ADAM10: variants seen among roughly 807,000 people sequenced by gnomAD.
ADAM10 encodes the protein disintegrin and metalloproteinase domain-containing protein 10.
Under a neutral mutation model 90.1 loss-of-function variants are expected in ADAM10, and 17 were observed. The observed-to-expected ratio is 0.19, with a 90% CI of 0.13 to 0.28. ADAM10 has a LOEUF of 0.28. Among genes scored for constraint, ADAM10 ranks in the 10% least tolerant of loss-of-function variants. The pLI is 1.00. For synonymous variants in ADAM10, 310 were observed against 298.6 expected (o/e 1.04, Z -0.40); for missense variants, 610 against 914.3 (o/e 0.67, Z 4.29).
chr15:58,601,994 G>A (rs570098288), intron 14 of ADAM10, among the ~76,000 whole-genome samples: 5 of 152,160 alleles, frequency 3.3e-5, no homozygotes, highest in Admixed American at 3.3e-4. Context: ...ACTGGATTAA[G>A]GTGTTATCTG....
chr15:58,709,165 A>T (rs1269218352), intron 2 of ADAM10, among the ~76,000 whole-genome samples: 1 of 152,218 alleles, frequency 6.6e-6, no homozygotes, highest in African/African-American at 2.4e-5. Context: ...AAGAACCTTT[A>T]GTCACATAAA....
At chr15:58,733,637 T>C (rs58271815) in intron 1 of ADAM10, among the ~76,000 whole-genome samples, 2 of 152,118 alleles carry the variant, frequency 1.3e-5, no homozygotes, top group Non-Finnish European at 2.9e-5. Context: ...TCCCCATAGA[T>C]ACTGAGGGAG....
intron 2 of ADAM10, among the ~76,000 whole-genome samples, chr15:58,715,176 C>T (rs1334054893): frequency 1.3e-5 from 2 of 152,018 alleles, no homozygotes; most frequent in Admixed American, 6.6e-5. Flanking sequence ...AATCCCAGCA[C>T]TTTGGGAGAC....
chr15:58,659,749 GAC>G (rs1463768146), intron 5 of ADAM10, among the ~76,000 whole-genome samples: 2 of 151,996 alleles, frequency 1.3e-5, no homozygotes, highest in Admixed American at 1.3e-4. Context: ...CTTTTTTTGA[GAC>G]AGAGTCTCAC....
chr15:58,654,117 G>A (rs1390626201), intron 5 of ADAM10, among the ~76,000 whole-genome samples: 1 of 151,162 alleles, frequency 6.6e-6, no homozygotes, highest in Admixed American at 6.6e-5. Flanking sequence ...CTGGCTAAAG[G>A]TTTGTCAATT....
At chr15:58,746,095 G>A (rs1350866819) in intron 1 of ADAM10, among the ~76,000 whole-genome samples, 1 of 152,176 alleles carries the variant, frequency 6.6e-6, no homozygotes, top group African/African-American at 2.4e-5. Context: ...AAGCTTATTA[G>A]GGTTTAAGGT....
At chr15:58,746,205 C>T (rs562198987) in intron 1 of ADAM10, among the ~76,000 whole-genome samples, 5 of 152,326 alleles carry the variant, frequency 3.3e-5, no homozygotes, top group Non-Finnish European at 5.9e-5. Context: ...CCTATCACCC[C>T]TCTCTCATAA....
chr15:58,622,891 A>T (rs1302412081), intron 10 of ADAM10, among the ~76,000 whole-genome samples: 1 of 152,244 alleles, frequency 6.6e-6, no homozygotes, highest in African/African-American at 2.4e-5. Context: ...CTAACTTCCA[A>T]GGAGTCTGTA....
chr15:58,746,664 A>C (rs1044191738), intron 1 of ADAM10, among the ~76,000 whole-genome samples: 5 of 152,218 alleles, frequency 3.3e-5, no homozygotes, highest in Non-Finnish European at 7.3e-5. Context: ...CAATCCCAGC[A>C]CTTTGGGAAG....
At chr15:58,697,026 G>C (rs1309486231) in intron 2 of ADAM10, among the ~76,000 whole-genome samples, 1 of 152,120 alleles carries the variant, frequency 6.6e-6, no homozygotes, top group South Asian at 2.1e-4. Flanking sequence ...CCAAGCCAAA[G>C]TGTAAACCAC....
chr15:58,620,619 A>T (rs1566969948), intron 11 of ADAM10, among the ~76,000 whole-genome samples: 1 of 152,168 alleles, frequency 6.6e-6, no homozygotes, highest in Non-Finnish European at 1.5e-5. Flanking sequence ...TAAAATATGG[A>T]AGATAGTTAC....
In ADAM10 at chr15:58,611,820, C is replaced by G; in HGVS notation, c.1683G>C (p.Val561=). 1 of 1,614,136 alleles carries G rather than the reference C, an allele frequency of 6.2e-7. No homozygotes were observed. The highest frequency in any genetic ancestry group is 8.5e-7 in the Non-Finnish European group (1 of 1,180,000). Residue 561 remains valine, a synonymous_variant, in exon 12 of 16, where the codon GTG becomes GTC. Transcript: ENST00000260408. ...NFTDCNRHTQ[V]CINGQCAGSI... ...GTTAAATGCTTACCCCATTAATGCA[C>G]ACTTGTGTATGCCTATTACAGTCTG...
intron 5 of ADAM10, among the ~76,000 whole-genome samples, chr15:58,657,251 T>G (rs1896850132): frequency 6.6e-6 from 1 of 152,238 alleles, no homozygotes; most frequent in Admixed American, 6.5e-5. Flanking sequence ...TGAGAAGTTC[T>G]CTGGTATTAT....
chr15:58,731,001 A>G (rs2140837225), intron 1 of ADAM10, among the ~76,000 whole-genome samples: 1 of 152,292 alleles, frequency 6.6e-6, no homozygotes, highest in East Asian at 1.9e-4. Context: ...ACTGCCTATC[A>G]TGGGACTTTT....
chr15:58,593,150 T>TATA lies in ADAM10; in HGVS notation c.*4396_*4397insTAT, dbSNP rs1894863951. The stretch of plus-strand genomic sequence containing the variant: ...AAGTAACAAAGGCCAGGTACTCAAA[T>TATA]TTTTTTTTTTTTTTTTTTTTTTTTT... On this transcript the variant is annotated 3_prime_UTR_variant, in exon 16 of 16. Coordinates refer to ENST00000260408, the MANE Select transcript of ADAM10 (RefSeq NM_001110.4). 3.5e-4 allele frequency: 1 copy of TATA among 2,864 alleles called. No homozygotes were observed. The highest frequency in any genetic ancestry group is 6.3e-4 in the Non-Finnish European group (1 of 1,584). 0.2% of individuals were successfully genotyped at this position (2,864 alleles called of 1,614,324 possible).
chr15:58,722,532 CAA>C (rs35957082), intron 1 of ADAM10, among the ~76,000 whole-genome samples: 29 of 122,332 alleles, frequency 2.4e-4, no homozygotes, highest in Non-Finnish European at 3.1e-4. Flanking sequence ...GACCCTATCT[CAA>C]AAAAAAAAAA....
At chr15:58,631,167 T>C (rs1896090051) in intron 9 of ADAM10, among the ~76,000 whole-genome samples, 1 of 152,204 alleles carries the variant, frequency 6.6e-6, no homozygotes, top group Non-Finnish European at 1.5e-5. Context: ...GCTGAGTAGA[T>C]GCCAGCACCA....
intron 5 of ADAM10, among the ~76,000 whole-genome samples, chr15:58,655,711 G>GTGTGTGTGTATATATATATA (rs1212041296): frequency 3.7e-5 from 2 of 53,734 alleles, no homozygotes; most frequent in Admixed American, 2.8e-4. Flanking sequence ...TATATATATA[G>GTGTGTGTGTATATATATATA]TATATATATA....
chr15:58,611,712 T>G (rs1218375015), intron 12 of ADAM10, 96 bp downstream of exon 12: 6 of 1,189,446 alleles, frequency 5.0e-6, no homozygotes, highest in Non-Finnish European at 7.2e-6. Flanking sequence ...GAGACCAAGA[T>G]TAATTACTTT....
Sources: allele counts gnomAD v4.1 joint callset (sites outside exome capture counted in the v4.1 genomes callset), GRCh38; gene constraint gnomAD v4.1.1; transcripts MANE v1.5; gene names NCBI Gene and HGNC (gene_info 2026-07-23, HGNC 2026-07-21).